FAM193B: variants seen among roughly 807,000 people sequenced by gnomAD.
FAM193B encodes the protein protein FAM193B.
In FAM193B, 27 loss-of-function variants were observed where a neutral mutation model predicts 70.7. The observed-to-expected ratio is 0.38, with a 90% CI of 0.28 to 0.53. The LOEUF (loss-of-function observed/expected upper bound fraction) is 0.53, where lower values mean the gene tolerates loss of function less well. Ranked by LOEUF, FAM193B falls within the 20% of genes least tolerant of loss-of-function variation. FAM193B has a pLI of 0.81. For missense variants in FAM193B, 1,022 were observed against 1,072.5 expected, an observed-to-expected ratio of 0.95 and a Z score of 0.66; for synonymous variants, 448 against 436.0, an observed-to-expected ratio of 1.03 and a Z score of -0.34.
intron 1 of FAM193B, among the ~76,000 whole-genome samples, chr5:177,550,293 T>C (rs1309651252): frequency 3.9e-5 from 6 of 152,164 alleles, no homozygotes; most frequent in Non-Finnish European, 7.3e-5. Context: ...TTCCTCCTAC[T>C]GACAATGGAA....
intron 5 of FAM193B, chr5:177,531,818 C>G: frequency 9.2e-7 from 1 of 1,082,770 alleles, no homozygotes; most frequent in African/African-American, 1.7e-5. Flanking sequence ...GTCACCGAGT[C>G]TTTGTGAGCC....
At position 177,532,362 on chromosome 5, in the gene FAM193B, G is replaced by T; in HGVS notation, c.1275+81C>A. The T allele has an allele frequency of 6.6e-7, 1 of 1,522,756 alleles. No individual in the cohort carries two copies. The highest frequency in any genetic ancestry group is 1.3e-5 in the South Asian group (1 of 79,962). 94.3% of individuals were successfully genotyped at this position (1,522,756 alleles called of 1,614,324 possible). On this transcript the variant is annotated intron_variant, in intron 5 of 8. Transcript: ENST00000514747. The surrounding 1 kb of genome is among the most constrained non-coding windows in gnomAD (Gnocchi z 4.9). ...CGGTAATTACCACCGTGAGCAACGG[G>T]GTCTCTGGGGAGAGCAGGGTGCTCC...
At chr5:177,551,223 C>T (rs1335053680) in intron 1 of FAM193B, among the ~76,000 whole-genome samples, 1 of 152,130 alleles carries the variant, frequency 6.6e-6, no homozygotes, top group Non-Finnish European at 1.5e-5. Flanking sequence ...AGTCTCTAAA[C>T]ACTATTCCCC....
At chr5:177,540,697 C>A (rs1489626329) in intron 1 of FAM193B, among the ~76,000 whole-genome samples, 4 of 152,146 alleles carry the variant, frequency 2.6e-5, no homozygotes, top group African/African-American at 9.7e-5. Flanking sequence ...CATGAGTGAG[C>A]CCAGCCGAGA....
chr5:177,520,954 G>A (rs1462766133), intron 8 of FAM193B, among the ~76,000 whole-genome samples: 1 of 152,210 alleles, frequency 6.6e-6, no homozygotes, highest in African/African-American at 2.4e-5. Flanking sequence ...GGCTGTCCTG[G>A]CTGCAGGCTC....
intron 5 of FAM193B, 63 bp from the exon 6 acceptor site, chr5:177,525,268 G>T: frequency 7.3e-7 from 1 of 1,365,272 alleles, no homozygotes; most frequent in Middle Eastern, 2.2e-4. Flanking sequence ...TGTGATACCT[G>T]ACCCATCAGC....
intron 5 of FAM193B, among the ~76,000 whole-genome samples, chr5:177,530,260 C>T (rs896119001): frequency 3.3e-5 from 5 of 152,230 alleles, no homozygotes; most frequent in African/African-American, 1.2e-4. Context: ...CATCTCTGCG[C>T]TGGTAAATGC....
intron 1 of FAM193B, among the ~76,000 whole-genome samples, chr5:177,541,191 G>T (rs1415359627): frequency 6.6e-6 from 1 of 152,192 alleles, no homozygotes; most frequent in Admixed American, 6.5e-5. Context: ...GGGGTGGAAG[G>T]TGGATAGAGA....
chr5:177,530,281 C>T (rs1208130114), intron 5 of FAM193B, among the ~76,000 whole-genome samples: 3 of 152,226 alleles, frequency 2.0e-5, no homozygotes, highest in Admixed American at 2.0e-4. Context: ...TAGCCCTGCA[C>T]TTCTCCACTT....
In FAM193B at chr5:177,536,568, T is replaced by C. The variant is rs1384916561; in HGVS notation, c.866A>G (p.Gln289Arg). The C allele has an allele frequency of 6.7e-7, 1 of 1,490,592 alleles. No homozygotes were observed. The highest frequency in any genetic ancestry group is 1.3e-5 in the South Asian group (1 of 77,698). The allele number at this position is 1,490,592 out of a possible 1,614,324, so 92.3% of individuals were successfully genotyped here. A position where few individuals can be genotyped will look rare whatever the true frequency, so the allele number is the denominator to read the frequency against. The change falls in exon 4 of 9, where the codon CAG (glutamine) becomes CGG (arginine). Residue 289 changes from glutamine to arginine, a missense_variant. Transcript: ENST00000514747. ...PTTPAAPFPA[Q>R]ASECPVAAAT... ...AGCAGCAACAGGGCACTCTGAAGCCTGGGCAGGGAAAGGTGCTGCCGGGGT... is the reference window on the plus strand; with the variant it reads ...AGCAGCAACAGGGCACTCTGAAGCCCGGGCAGGGAAAGGTGCTGCCGGGGT...
At chr5:177,528,680 T>C (rs1475180819) in intron 5 of FAM193B, among the ~76,000 whole-genome samples, 1 of 152,238 alleles carries the variant, frequency 6.6e-6, no homozygotes, top group African/African-American at 2.4e-5. Context: ...GTGAGGCTAT[T>C]TGCCAAAAAA....
At chr5:177,523,239 A>AT (rs1368273014) in intron 7 of FAM193B, 1 of 372,128 alleles carries the variant, frequency 2.7e-6, no homozygotes, top group Non-Finnish European at 5.7e-6. Flanking sequence ...ATCTCAGGTG[A>AT]TCCACCCGCC....
At position 177,524,931 on chromosome 5, in the gene FAM193B, G is replaced by T. The variant is rs761987054; in HGVS notation, c.1550C>A (p.Pro517His). The T allele has an allele frequency of 4.0e-6, 6 of 1,506,722 alleles. No homozygotes were observed. Among genetic ancestry groups the T allele is most frequent in the East Asian group, 2.3e-5 (1 of 42,882 alleles). 93.3% of individuals were successfully genotyped at this position (1,506,722 alleles called of 1,614,324 possible). A position where few individuals can be genotyped will look rare whatever the true frequency, so the allele number is the denominator to read the frequency against. The change falls in exon 6 of 9, where the codon CCC (proline) becomes CAC (histidine). Residue 517 changes from proline (P) to histidine (H), a missense_variant. Transcript: ENST00000514747. ...CTCTGAGGAGCCACTGAGGTTTGAG[G>T]GGGGTAGACTCTGAGGCTCAGGCTC... Reference protein sequence around the residue: ...AAEPEPQSLPPSNLSGSSEQQ... With the variant: ...AAEPEPQSLPHSNLSGSSEQQ...
chr5:177,536,189 A>C (rs909899351), intron 4 of FAM193B, 169 bp downstream of exon 4: 1 of 726,970 alleles, frequency 1.4e-6, no homozygotes. Context: ...CTAGGAGTAT[A>C]GGTGTGAGCC....
chr5:177,548,212 T>G (rs1047745558), intron 1 of FAM193B, among the ~76,000 whole-genome samples: 1 of 152,228 alleles, frequency 6.6e-6, no homozygotes, highest in African/African-American at 2.4e-5. Context: ...AAAACGTATC[T>G]CTAGAATAGA....
At position 177,554,529 on chromosome 5, in the gene FAM193B, C is replaced by CGCT; in HGVS notation, c.-74_-72dup. 2 of 906,926 alleles carry CGCT rather than the reference C, an allele frequency of 2.2e-6. No homozygotes were observed. The highest frequency in any genetic ancestry group is 2.7e-6 in the Non-Finnish European group (2 of 754,534). The allele number at this position is 906,926 out of a possible 1,614,324, so 56.2% of individuals were successfully genotyped here. On this transcript the variant is annotated 5_prime_UTR_variant, in exon 1 of 9. Transcript: ENST00000514747. ...CCGCCGCCGCCGCCGCCGCCGCCGC[C>CGCT]GCTACCGCTCCCCTCACAGGACAAC...
At chr5:177,553,532 TTCTTCCA>T in intron 1 of FAM193B, 2 of 1,143,686 alleles carry the variant, frequency 1.7e-6, no homozygotes, top group South Asian at 3.6e-5. Flanking sequence ...GAAAGTGACC[TTCTTCCA>T]GGTGGCAAGC....
intron 1 of FAM193B, among the ~76,000 whole-genome samples, chr5:177,549,187 CTTTTTTTTTTTTTT>C (rs141797022): frequency 1.1e-5 from 1 of 93,024 alleles, no homozygotes; most frequent in East Asian, 3.0e-4. Flanking sequence ...ATTGTCTTTT[CTTTTTTTTTTTTTT>C]TTTTTTTTGA....
At chr5:177,521,912 G>C in intron 8 of FAM193B, 62 bp downstream of exon 8, 1 of 1,309,156 alleles carries the variant, frequency 7.6e-7, no homozygotes, top group Non-Finnish European at 1.1e-6. Flanking sequence ...TCTGGTGAGC[G>C]TACAGAGAGG....
Sources: allele counts gnomAD v4.1 joint callset (sites outside exome capture counted in the v4.1 genomes callset), GRCh38; gene constraint gnomAD v4.1.1; non-coding constraint Gnocchi (gnomAD v3.1); transcripts MANE v1.5; gene names NCBI Gene and HGNC (gene_info 2026-07-23, HGNC 2026-07-21).